The following SORCS2 variants were observed in gnomAD, a reference collection of about 807,000 sequenced individuals.
SORCS2 encodes VPS10 domain-containing receptor SorCS2.
A neutral mutation model predicts 141.6 loss-of-function variants in SORCS2; 100 were observed. The observed-to-expected ratio is 0.71, with a 90% CI of 0.60 to 0.83. SORCS2 has a LOEUF of 0.83. SORCS2 is among the 40% of genes least tolerant of loss of function. The pLI is 0.00. For synonymous variants in SORCS2, 789 were observed against 676.9 expected (o/e 1.17, Z -2.57); for missense variants, 1,646 against 1,560.2 (o/e 1.05, Z -0.93).
intron 10 of SORCS2, among the ~76,000 whole-genome samples, chr4:7,685,142 A>C (rs548221563): frequency 6.6e-6 from 1 of 152,380 alleles, no homozygotes; most frequent in Non-Finnish European, 1.5e-5. Context: ...TCATTGGCAA[A>C]GTTAAGCCAT....
chr4:7,486,130 G>A (rs1217348123), intron 2 of SORCS2, among the ~76,000 whole-genome samples: 4 of 152,088 alleles, frequency 2.6e-5, no homozygotes, highest in Non-Finnish European at 5.9e-5. Context: ...GGAGCCCCTC[G>A]TGCGCGTGAC....
rs117498219 is a variant in SORCS2 at position 7,380,813 on chromosome 4, C to T, written c.481-15475C>T. The stretch of plus-strand genomic sequence containing the variant: ...GTTAAAGAAGTGGGTTAATTAGGTG[C>T]GGTGGCTCACGCCTGTAATCCCAAC... On this transcript the variant is annotated intron_variant, in intron 1 of 26. Coordinates refer to ENST00000507866, the MANE Select transcript of SORCS2 (RefSeq NM_020777.3). Among the ~76,000 whole-genome samples the T allele has an allele frequency of 6.4e-3, 976 of 152,314 alleles. 22 individuals carry two copies. The highest frequency in any genetic ancestry group is 0.047 in the Admixed American group (724 of 15,310).
Position 7,689,567 on chromosome 4 carries a change from C to A in SORCS2, c.1570C>A (p.Pro524Thr). The A allele has an allele frequency of 6.2e-7, 1 of 1,600,960 alleles. No homozygotes were observed. The highest frequency in any genetic ancestry group is 8.5e-7 in the Non-Finnish European group (1 of 1,174,346). ...SGTVHTKDTA[P>T]GLIMGAGNLG... ...CACCGTGCACACCAAGGACACCGCC[C>A]CAGGCCTCATCATGGGTGCAGGTAG... The change falls in exon 11 of 27, where the codon CCA (proline) becomes ACA (threonine). Residue 524 changes from proline to threonine, a missense_variant. Coordinates refer to ENST00000507866, the MANE Select transcript of SORCS2 (RefSeq NM_020777.3).
chr4:7,487,300 G>T (rs1731048716), intron 2 of SORCS2, among the ~76,000 whole-genome samples: 1 of 152,164 alleles, frequency 6.6e-6, no homozygotes, highest in South Asian at 2.1e-4. Flanking sequence ...ACATTCCCTT[G>T]GCCCACAGTC....
chr4:7,665,913 A>G (rs1722473969), intron 7 of SORCS2, among the ~76,000 whole-genome samples: 1 of 152,138 alleles, frequency 6.6e-6, no homozygotes, highest in African/African-American at 2.4e-5. Flanking sequence ...GTTATCACTC[A>G]GTGCAGCAAG....
At chr4:7,360,644 T>C (rs1271501568) in intron 1 of SORCS2, among the ~76,000 whole-genome samples, 1 of 137,352 alleles carries the variant, frequency 7.3e-6, no homozygotes, top group Non-Finnish European at 1.5e-5. Flanking sequence ...AGTGGTATGA[T>C]TATGGCTCAC....
chr4:7,312,857 G>C (rs1020560428), intron 1 of SORCS2, among the ~76,000 whole-genome samples: 19 of 152,256 alleles, frequency 1.2e-4, no homozygotes, highest in African/African-American at 4.6e-4. Flanking sequence ...CAACAAGTGT[G>C]ATATTGGGTG....
At chr4:7,714,095 T>C in intron 15 of SORCS2, 145 bp from the exon 16 acceptor site, 1 of 1,208,682 alleles carries the variant, frequency 8.3e-7, no homozygotes, top group African/African-American at 1.5e-5. Flanking sequence ...TGCAGACATG[T>C]CACGCCCCAT....
At chr4:7,365,376 A>G (rs1721818632) in intron 1 of SORCS2, among the ~76,000 whole-genome samples, 1 of 151,936 alleles carries the variant, frequency 6.6e-6, no homozygotes, top group African/African-American at 2.4e-5. Context: ...GTGTGTGGCG[A>G]GGAGGACCCC....
intron 2 of SORCS2, among the ~76,000 whole-genome samples, chr4:7,519,590 C>T (rs1282998554): frequency 1.3e-5 from 2 of 152,226 alleles, no homozygotes; most frequent in African/African-American, 4.8e-5. Flanking sequence ...TTTCACCTTC[C>T]AGCGCTGCTG....
Position 7,418,703 on chromosome 4 carries a change from C to CA in SORCS2, c.548+22348_548+22349insA, listed in dbSNP as rs575592699. Among the ~76,000 whole-genome samples the CA allele has an allele frequency of 9.2e-4, 34 of 36,976 alleles. No individual in the cohort carries two copies. In the East Asian group the frequency reaches 0.022, roughly 24 times the overall value. The allele number at this position is 36,976 out of a possible 152,430, so 24.3% of individuals were successfully genotyped here. On this transcript the variant is annotated intron_variant, in intron 2 of 26. Transcript: ENST00000507866. ...TTAGCTTTTGCTGCGTAACAAATGACCCCCCCCCCCACCAGATTTGTAGAT... is the reference window on the plus strand; with the variant it reads ...TTAGCTTTTGCTGCGTAACAAATGACACCCCCCCCCCACCAGATTTGTAGAT...
intron 3 of SORCS2, among the ~76,000 whole-genome samples, chr4:7,540,471 A>T (rs991600085): frequency 6.6e-6 from 1 of 152,084 alleles, no homozygotes; most frequent in African/African-American, 2.4e-5. Flanking sequence ...GCTTTGTGGG[A>T]CCCACACTCT....
chr4:7,226,823 G>C (rs550822364), intron 1 of SORCS2, among the ~76,000 whole-genome samples: 1 of 152,296 alleles, frequency 6.6e-6, no homozygotes, highest in South Asian at 2.1e-4. Flanking sequence ...AAGCACCGCC[G>C]GGAAGCACCA....
intron 8 of SORCS2, among the ~76,000 whole-genome samples, 176 bp downstream of exon 8, chr4:7,667,389 C>A (rs1255581778): frequency 6.6e-6 from 1 of 152,200 alleles, no homozygotes; most frequent in Admixed American, 6.5e-5. Flanking sequence ...CCAGCCCACC[C>A]AGCCCTTCCA....
chr4:7,313,136 G>A (rs1048677981), intron 1 of SORCS2, among the ~76,000 whole-genome samples: 1 of 152,266 alleles, frequency 6.6e-6, no homozygotes, highest in Non-Finnish European at 1.5e-5. Context: ...TTTCACCCAA[G>A]CAAATGAGCT....
intron 2 of SORCS2, among the ~76,000 whole-genome samples, chr4:7,442,686 C>G (rs1727753572): frequency 7.2e-6 from 1 of 138,320 alleles, no homozygotes; most frequent in Non-Finnish European, 1.5e-5. Context: ...GCTGTGGTTT[C>G]TGCCCTGTTT....
chr4:7,735,790 A>C (rs1712115669), intron 25 of SORCS2, among the ~76,000 whole-genome samples: 2 of 152,176 alleles, frequency 1.3e-5, no homozygotes, highest in Non-Finnish European at 2.9e-5. Context: ...GTCCTCTACC[A>C]GGTGCCCAGG....
Position 7,337,672 on chromosome 4 carries a change from G to A in SORCS2, c.481-58616G>A, listed in dbSNP as rs113658402. Among the ~76,000 whole-genome samples, 109 of 152,300 alleles carry A rather than the reference G, an allele frequency of 7.2e-4. 1 individual carries two copies. The highest frequency in any genetic ancestry group is 2.5e-3 in the African/African-American group (105 of 41,570). ...GCCAGGGAGAGCTCTACACCCGCAC[G>A]CTGGGGCAGCATTGCTCCCTGGCTG... On this transcript the variant is annotated intron_variant, in intron 1 of 26. Transcript: ENST00000507866.
intron 1 of SORCS2, among the ~76,000 whole-genome samples, chr4:7,236,483 T>C (rs1454709008): frequency 6.6e-6 from 1 of 152,116 alleles, no homozygotes; most frequent in Non-Finnish European, 1.5e-5. Flanking sequence ...GAGGGGTTGA[T>C]GGCGTAGGTG....
Sources: allele counts gnomAD v4.1 joint callset (sites outside exome capture counted in the v4.1 genomes callset), GRCh38; gene constraint gnomAD v4.1.1; transcripts MANE v1.5; gene names NCBI Gene and HGNC (gene_info 2026-07-23, HGNC 2026-07-21).